MSH3: variants seen among roughly 807,000 people sequenced by gnomAD.
MSH3 encodes the protein mutS homolog 3, also known as DNA mismatch repair protein Msh3.
A neutral mutation model predicts 123.3 loss-of-function variants in MSH3; 106 were observed. The ratio of observed to expected loss-of-function variants is 0.86; its 90% CI spans 0.73 to 1.01. The LOEUF is 1.01. Ranked by LOEUF, MSH3 falls within the 50% of genes least tolerant of loss-of-function variation. The pLI, the probability that MSH3 is intolerant of heterozygous loss-of-function variation, is 0.00. For missense variants in MSH3, 1,459 were observed against 1,347.6 expected (o/e 1.08, Z -1.29); for synonymous variants, 515 against 481.4 (o/e 1.07, Z -0.91).
At chr5:80,847,354 G>T (rs971117687) in intron 20 of MSH3, among the ~76,000 whole-genome samples, 17 of 142,822 alleles carry the variant, frequency 1.2e-4, no homozygotes, top group Admixed American at 2.2e-4. Context: ...GCACCTGGCT[G>T]AATATTTTTT....
In MSH3 at chr5:80,789,650, C is replaced by T. The variant is rs184142596; in HGVS notation, c.2543+1978C>T. Among the ~76,000 whole-genome samples, 194 of 152,260 alleles carry T rather than the reference C, an allele frequency of 1.3e-3. 2 individuals are homozygous for T. The highest frequency in any genetic ancestry group is 4.5e-3 in the African/African-American group (188 of 41,558). On this transcript the variant is annotated intron_variant, in intron 18 of 23. Transcript: ENST00000265081. ...CCTTCCAAAGTGCTGGAATTATAGA[C>T]GTGAGCCATAGCGCCTGTCCTGTAG...
At position 80,854,296 on chromosome 5, in the gene MSH3, C is replaced by T; in HGVS notation, c.2980C>T (p.Leu994Phe). ...TGGAATTGCCATTGCCTATGCTACA[C>T]TTGAGTATTTCATCAGAGATGTAAG... ...HDGIAIAYAT[L>F]EYFIRDVKSL... Residue 994 changes from leucine to phenylalanine, a missense_variant, in exon 21 of 24, where the codon CTT becomes TTT. Transcript: ENST00000265081. The T allele has an allele frequency of 6.2e-7, 1 of 1,613,654 alleles. No individual in the cohort carries two copies. The highest frequency in any genetic ancestry group is 8.5e-7 in the Non-Finnish European group (1 of 1,179,742).
chr5:80,791,709 G>T (rs1001694841), intron 18 of MSH3, among the ~76,000 whole-genome samples: 2 of 152,074 alleles, frequency 1.3e-5, no homozygotes, highest in African/African-American at 2.4e-5. Context: ...TCTATTTTTT[G>T]TGTGTGTACT....
intron 20 of MSH3, among the ~76,000 whole-genome samples, chr5:80,823,271 C>T (rs1482034794): frequency 6.6e-6 from 1 of 152,010 alleles, no homozygotes; most frequent in African/African-American, 2.4e-5. Flanking sequence ...AAAAGTAAAA[C>T]CTCCTCACCC....
chr5:80,689,193 G>GT (rs1750168740), intron 8 of MSH3, among the ~76,000 whole-genome samples: 1 of 152,128 alleles, frequency 6.6e-6, no homozygotes, highest in African/African-American at 2.4e-5. Flanking sequence ...TGTTCAGTGA[G>GT]TATTTGCTGA....
chr5:80,816,695 G>T (rs1001319023), intron 20 of MSH3, among the ~76,000 whole-genome samples: 1 of 152,156 alleles, frequency 6.6e-6, no homozygotes, highest in African/African-American at 2.4e-5. Context: ...AGTTTGTAGT[G>T]CTAGTTTAAG....
At chr5:80,869,862 A>T (rs13175603) in intron 22 of MSH3, among the ~76,000 whole-genome samples, 1 of 145,684 alleles carries the variant, frequency 6.9e-6, no homozygotes, top group African/African-American at 2.5e-5. Flanking sequence ...ACACACACAC[A>T]CTATATAAAA....
chr5:80,675,067 T>C lies in MSH3; in HGVS notation c.1112T>C (p.Ile371Thr). ...ACTTCTACCAGCTATCTTCTGTGCA[T>C]CTCTGAAAATAAGGAAAATGTTAGG... ...TDTSTSYLLCISENKENVRDK... is the reference protein window; with the variant it reads ...TDTSTSYLLCTSENKENVRDK... Residue 371 changes from isoleucine (I) to threonine (T), a missense_variant, in exon 7 of 24, where the codon ATC becomes ACC. Ile to Thr is a moderately conservative substitution (Grantham distance 89). Transcript: ENST00000265081. The C allele has an allele frequency of 6.2e-7, 1 of 1,613,646 alleles. No individual in the cohort carries two copies. The highest frequency in any genetic ancestry group is 8.5e-7 in the Non-Finnish European group (1 of 1,179,744).
chr5:80,692,695 TATAC>T (rs1036156522), intron 8 of MSH3, among the ~76,000 whole-genome samples: 4 of 137,748 alleles, frequency 2.9e-5, no homozygotes, highest in East Asian at 2.1e-4. Context: ...TATAGATAAA[TATAC>T]ATACACATGT....
chr5:80,812,145 A>G (rs996471532), intron 19 of MSH3, among the ~76,000 whole-genome samples: 1 of 152,326 alleles, frequency 6.6e-6, no homozygotes, highest in South Asian at 2.1e-4. Flanking sequence ...ACACAGGAAG[A>G]GCAGGATCTC....
intron 3 of MSH3, among the ~76,000 whole-genome samples, chr5:80,667,568 G>C (rs938471605): frequency 1.3e-5 from 2 of 152,246 alleles, no homozygotes; most frequent in Non-Finnish European, 2.9e-5. Context: ...TGAGCCAGGA[G>C]TGGAGTGGTG....
At chr5:80,808,781 T>C (rs1744946843) in intron 19 of MSH3, among the ~76,000 whole-genome samples, 1 of 149,752 alleles carries the variant, frequency 6.7e-6, no homozygotes, top group Admixed American at 6.7e-5. Context: ...TAGTTCAATA[T>C]AAAAAATGTT....
intron 2 of MSH3, among the ~76,000 whole-genome samples, chr5:80,662,204 A>G (rs1051405319): frequency 1.3e-5 from 2 of 152,232 alleles, no homozygotes; most frequent in African/African-American, 4.8e-5. Context: ...GTAACATGCT[A>G]TACAGGTTTA....
intron 10 of MSH3, among the ~76,000 whole-genome samples, chr5:80,737,071 A>C (rs955503849): frequency 1.3e-5 from 2 of 152,192 alleles, no homozygotes; most frequent in South Asian, 4.1e-4. Context: ...TAGAAATGCA[A>C]AGTTAGTCAT....
chr5:80,851,655 C>T (rs565124143), intron 20 of MSH3, among the ~76,000 whole-genome samples: 8 of 152,180 alleles, frequency 5.3e-5, no homozygotes, highest in African/African-American at 1.9e-4. Flanking sequence ...TATGTAAAGC[C>T]ACCCACTCAC....
chr5:80,803,909 G>A (rs1331043874), intron 19 of MSH3, among the ~76,000 whole-genome samples: 1 of 152,070 alleles, frequency 6.6e-6, no homozygotes, highest in Non-Finnish European at 1.5e-5. Context: ...TGTTTCATTG[G>A]TCTCTGTGTC....
intron 10 of MSH3, among the ~76,000 whole-genome samples, chr5:80,730,889 T>C (rs1743397042): frequency 9.2e-6 from 1 of 108,432 alleles, no homozygotes; most frequent in African/African-American, 3.1e-5. Context: ...TATATATATA[T>C]ATATATTTTT....
intron 9 of MSH3, among the ~76,000 whole-genome samples, chr5:80,726,350 C>T (rs1199943216): frequency 3.9e-5 from 6 of 152,202 alleles, no homozygotes; most frequent in Non-Finnish European, 8.8e-5. Context: ...CATCACTGCT[C>T]CATTTAAGCA....
chr5:80,663,760 A>G (rs1208443724), intron 2 of MSH3, among the ~76,000 whole-genome samples: 1 of 148,236 alleles, frequency 6.7e-6, no homozygotes, highest in Non-Finnish European at 1.5e-5. Context: ...GTTTAAATAT[A>G]AATAGGGAAA....
Sources: allele counts gnomAD v4.1 joint callset (sites outside exome capture counted in the v4.1 genomes callset), GRCh38; gene constraint gnomAD v4.1.1; transcripts MANE v1.5; gene names NCBI Gene and HGNC (gene_info 2026-07-23, HGNC 2026-07-21).